Variants in GRM3 observed in about 807,000 individuals in gnomAD.
The protein encoded by GRM3 is glutamate metabotropic receptor 3.
GRM3 carries 26 observed loss-of-function variants against 70.5 expected under a neutral mutation model. The ratio of observed to expected loss-of-function variants is 0.37; its 90% confidence interval spans 0.27 to 0.51. The LOEUF (loss-of-function observed/expected upper bound fraction) is 0.51, where lower values mean the gene tolerates loss of function less well. Among genes scored for constraint, GRM3 ranks in the 20% least tolerant of loss-of-function variants. The probability of loss-of-function intolerance (pLI) is 0.93; values close to 1 mark genes in which losing one functional copy is unlikely to be tolerated. For missense variants in GRM3, 859 were observed against 1,123.8 expected (o/e 0.76, Z 3.37); for synonymous variants, 443 against 434.9 (o/e 1.02, Z -0.23).
chr7:86,857,646 T>A (rs781305503), intron 5 of GRM3, among the ~76,000 whole-genome samples: 2 of 152,188 alleles, frequency 1.3e-5, no homozygotes, highest in Non-Finnish European at 2.9e-5. Context: ...TTTATTAGAG[T>A]TTAACACTTT....
chr7:86,756,251 G>C (rs147882772), intron 1 of GRM3, among the ~76,000 whole-genome samples: 52 of 152,160 alleles, frequency 3.4e-4, no homozygotes, highest in African/African-American at 1.2e-3. Flanking sequence ...GCTAATTTTT[G>C]TATTTTTAGT....
intron 2 of GRM3, among the ~76,000 whole-genome samples, chr7:86,777,210 T>A (rs574362463): frequency 1.3e-5 from 2 of 152,244 alleles, no homozygotes; most frequent in South Asian, 4.1e-4. Context: ...TCAACCTAAA[T>A]GATGAGTTAT....
intron 1 of GRM3, among the ~76,000 whole-genome samples, chr7:86,713,995 A>G (rs569278557): frequency 1.3e-5 from 2 of 151,990 alleles, no homozygotes; most frequent in Non-Finnish European, 2.9e-5. Flanking sequence ...TTCCTAGGAG[A>G]CAGGAGGACT....
intron 3 of GRM3, among the ~76,000 whole-genome samples, chr7:86,794,408 C>G (rs1488901007): frequency 6.6e-6 from 1 of 152,156 alleles, no homozygotes; most frequent in Non-Finnish European, 1.5e-5. Context: ...AACAATTATA[C>G]TGTTATCCAA....
At chr7:86,769,184 G>A (rs1796679183) in intron 2 of GRM3, among the ~76,000 whole-genome samples, 1 of 152,080 alleles carries the variant, frequency 6.6e-6, no homozygotes, top group African/African-American at 2.4e-5. Flanking sequence ...TAACCGTGGT[G>A]ACAGTGTGCA....
chr7:86,821,928 T>C (rs1196350645), intron 3 of GRM3, among the ~76,000 whole-genome samples: 1 of 151,950 alleles, frequency 6.6e-6, no homozygotes, highest in Non-Finnish European at 1.5e-5. Flanking sequence ...TAATTACATC[T>C]GGCTTAGAGC....
chr7:86,696,417 T>A (rs1794818643), intron 1 of GRM3, among the ~76,000 whole-genome samples: 1 of 152,070 alleles, frequency 6.6e-6, no homozygotes, highest in Non-Finnish European at 1.5e-5. Context: ...CTCTAGAAGC[T>A]GGAAGAAAAA....
intron 1 of GRM3, among the ~76,000 whole-genome samples, chr7:86,645,661 C>G (rs1266354016): frequency 6.6e-6 from 1 of 152,028 alleles, no homozygotes; most frequent in African/African-American, 2.4e-5. Context: ...TAAGGTACAA[C>G]ACTTTTAGGT....
Position 86,644,175 on chromosome 7 carries a change from G to T in GRM3, c.-838G>T, listed in dbSNP as rs907286018. 1 of 163,878 alleles carries T rather than the reference G, an allele frequency of 6.1e-6. No individual in the cohort carries two copies. The highest frequency in any genetic ancestry group is 1.3e-5 in the Non-Finnish European group (1 of 74,776). The allele number at this position is 163,878 out of a possible 1,614,324, so 10.2% of individuals were successfully genotyped here. On this transcript the variant is annotated 5_prime_UTR_variant, in exon 1 of 6. An upstream start codon of the reference 5' UTR is lost. Transcript: ENST00000361669. The stretch of plus-strand genomic sequence containing the variant: ...CTCCGAAATTCACCGACCTTTGCAT[G>T]CACTGCCTAAGGATTTCAGAGTGAG...
At chr7:86,841,868 TAGA>T (rs1223258719) in intron 4 of GRM3, among the ~76,000 whole-genome samples, 3 of 152,124 alleles carry the variant, frequency 2.0e-5, no homozygotes, top group Admixed American at 2.0e-4. Flanking sequence ...TTTCACCACA[TAGA>T]AGAAGTCATA....
At chr7:86,823,101 C>G (rs1041669959) in intron 3 of GRM3, among the ~76,000 whole-genome samples, 1 of 152,070 alleles carries the variant, frequency 6.6e-6, no homozygotes, top group Non-Finnish European at 1.5e-5. Flanking sequence ...AGGGGACAGA[C>G]TAGGAACAGA....
intron 1 of GRM3, among the ~76,000 whole-genome samples, chr7:86,675,527 A>G (rs1347142140): frequency 2.0e-5 from 3 of 152,088 alleles, no homozygotes; most frequent in Non-Finnish European, 4.4e-5. Context: ...AACACAGAGA[A>G]TAAAGCTCCC....
chr7:86,669,760 G>A (rs946462446), intron 1 of GRM3, among the ~76,000 whole-genome samples: 1 of 151,998 alleles, frequency 6.6e-6, no homozygotes, highest in Non-Finnish European at 1.5e-5. Flanking sequence ...TCCTCAAACT[G>A]CATATTCCTT....
At chr7:86,687,877 C>T (rs775599746) in intron 1 of GRM3, among the ~76,000 whole-genome samples, 1 of 151,384 alleles carries the variant, frequency 6.6e-6, no homozygotes, top group Non-Finnish European at 1.5e-5. Flanking sequence ...TAATGTAACA[C>T]TGAGGAGTAA....
intron 3 of GRM3, among the ~76,000 whole-genome samples, chr7:86,819,642 C>T (rs1798080478): frequency 6.6e-6 from 1 of 152,110 alleles, no homozygotes; most frequent in East Asian, 1.9e-4. Flanking sequence ...AAAGAATGGA[C>T]TCGTGTCAAA....
intron 4 of GRM3, among the ~76,000 whole-genome samples, chr7:86,845,775 C>T (rs552886362): frequency 6.6e-6 from 1 of 152,256 alleles, no homozygotes; most frequent in East Asian, 1.9e-4. Context: ...CTACCTATGG[C>T]TCAACCATAT....
chr7:86,664,615 CA>C (rs1359658941), intron 1 of GRM3, among the ~76,000 whole-genome samples: 2 of 151,830 alleles, frequency 1.3e-5, no homozygotes, highest in South Asian at 4.2e-4. Context: ...GATTTTGTAA[CA>C]AAGAATCCAT....
At chr7:86,832,823 C>T (rs192962218) in intron 3 of GRM3, among the ~76,000 whole-genome samples, 26 of 152,214 alleles carry the variant, frequency 1.7e-4, no homozygotes, top group Non-Finnish European at 3.4e-4. Flanking sequence ...AAACTGGGGT[C>T]AGAACTAATT....
At chr7:86,762,386 A>T (rs1232220641) in intron 1 of GRM3, among the ~76,000 whole-genome samples, 1 of 152,120 alleles carries the variant, frequency 6.6e-6, no homozygotes, top group Non-Finnish European at 1.5e-5. Flanking sequence ...GCTCAGGAAA[A>T]CAGCCCATCA....
Sources: gnomAD v4.1 joint callset for allele counts (sites outside exome capture counted in the v4.1 genomes callset) on GRCh38, gnomAD v4.1.1 for gene constraint, MANE v1.5 for transcripts, NCBI Gene and HGNC (gene_info 2026-07-23, HGNC 2026-07-21) for gene names.